Variants in PDE10A observed in about 807,000 individuals in gnomAD.
The protein encoded by PDE10A is cAMP and cAMP-inhibited cGMP 3',5'-cyclic phosphodiesterase 10A.
In PDE10A, 39 loss-of-function variants were observed where a neutral mutation model predicts 97.7. The observed-to-expected ratio is 0.40, with a 90% CI of 0.31 to 0.52. The LOEUF (loss-of-function observed/expected upper bound fraction) is 0.52. Among genes scored for constraint, PDE10A ranks in the 20% least tolerant of loss-of-function variants. The probability of loss-of-function intolerance (pLI) is 0.56; values close to 1 mark genes in which losing one functional copy is unlikely to be tolerated. For missense variants in PDE10A, 731 were observed against 1,047.8 expected (o/e 0.70, Z 4.17); for synonymous variants, 371 against 376.8 (o/e 0.98, Z 0.18).
chr6:165,934,353 CTG>C (rs1346789929), intron 1 of PDE10A, among the ~76,000 whole-genome samples: 1 of 151,876 alleles, frequency 6.6e-6, no homozygotes, highest in African/African-American at 2.4e-5. Context: ...AGATCTTTAG[CTG>C]CACCAAAATG....
At chr6:165,880,301 T>C (rs1277766074) in intron 1 of PDE10A, among the ~76,000 whole-genome samples, 1 of 152,238 alleles carries the variant, frequency 6.6e-6, no homozygotes, top group Non-Finnish European at 1.5e-5. Flanking sequence ...AATTAGATTC[T>C]TATAAGTATT....
chr6:165,974,610 G>A (rs1784795764), intron 1 of PDE10A, among the ~76,000 whole-genome samples: 1 of 152,228 alleles, frequency 6.6e-6, no homozygotes, highest in Non-Finnish European at 1.5e-5. Flanking sequence ...AAAGAGTGCA[G>A]AACCTGATGG....
intron 1 of PDE10A, among the ~76,000 whole-genome samples, chr6:165,707,761 G>A (rs568726754): frequency 1.3e-5 from 2 of 152,150 alleles, no homozygotes; most frequent in South Asian, 4.1e-4. Flanking sequence ...CTGAGTGTGT[G>A]AAAGTGTATG....
chr6:165,757,446 A>T (rs1406262299), intron 1 of PDE10A, among the ~76,000 whole-genome samples: 2 of 151,996 alleles, frequency 1.3e-5, no homozygotes, highest in African/African-American at 4.8e-5. Flanking sequence ...TATACTTAGA[A>T]AGACCATTTC....
intron 1 of PDE10A, among the ~76,000 whole-genome samples, chr6:165,599,016 T>C (rs980435875): frequency 3.9e-5 from 6 of 152,206 alleles, no homozygotes; most frequent in Non-Finnish European, 8.8e-5. Flanking sequence ...TGTCCTACTA[T>C]TAGTACTTCC....
chr6:165,974,553 A>G (rs1477059434), intron 1 of PDE10A, among the ~76,000 whole-genome samples: 2 of 152,244 alleles, frequency 1.3e-5, no homozygotes, highest in Non-Finnish European at 2.9e-5. Flanking sequence ...GGAAGAGAAG[A>G]TATCATAAGC....
chr6:165,882,424 AAAGT>A (rs542293404), intron 1 of PDE10A, among the ~76,000 whole-genome samples: 58 of 152,300 alleles, frequency 3.8e-4, no homozygotes, highest in African/African-American at 1.3e-3. Flanking sequence ...ACCAAGCATA[AAAGT>A]AAGTTATAAA....
chr6:165,456,600 A>G (rs907713874), intron 3 of PDE10A, among the ~76,000 whole-genome samples: 21 of 152,364 alleles, frequency 1.4e-4, no homozygotes, highest in African/African-American at 4.8e-4. Context: ...TGGACAGTTT[A>G]TCATGAGGTT....
chr6:165,987,653 A>G (rs1169888802), exon 1 of PDE10A: 1 of 456,660 alleles, frequency 2.2e-6, no homozygotes, highest in African/African-American at 2.0e-5. Context: ...CAGTGGGTCC[A>G]GGGTTCCATG....
At chr6:165,983,068 G>GAC (rs10623514) in intron 1 of PDE10A, among the ~76,000 whole-genome samples, 37,692 of 150,630 alleles carry the variant, frequency 0.25, 4,808 homozygotes, top group African/African-American at 0.28. Flanking sequence ...ACAATTTTAC[G>GAC]ACACACACAC....
In PDE10A at chr6:165,392,816, T is replaced by C; in HGVS notation, c.2304-20A>G. ...TCAAAGCTGCATGGAAAAGAAATTGTTATGACTGAAACCAGTAGAGAATCA... is the reference window on the plus strand; with the variant it reads ...TCAAAGCTGCATGGAAAAGAAATTGCTATGACTGAAACCAGTAGAGAATCA... On this transcript the variant is annotated intron_variant, in intron 15 of 21. Coordinates refer to ENST00000539869, the MANE Select transcript of PDE10A (RefSeq NM_001385079.1). The C allele has an allele frequency of 2.5e-6, 4 of 1,611,898 alleles. No homozygotes were observed.
At chr6:165,893,786 A>C (rs1781865496) in intron 1 of PDE10A, among the ~76,000 whole-genome samples, 1 of 151,844 alleles carries the variant, frequency 6.6e-6, no homozygotes, top group Non-Finnish European at 1.5e-5. Context: ...TATTTGATAG[A>C]ACTTAAGTAG....
At chr6:165,523,526 C>T (rs189738502) in intron 2 of PDE10A, among the ~76,000 whole-genome samples, 18 of 152,202 alleles carry the variant, frequency 1.2e-4, no homozygotes, top group Admixed American at 4.6e-4. Context: ...AGAAAGGACT[C>T]CCTATTCAAT....
At chr6:165,806,065 AAAAAAG>A (rs1221867822) in intron 1 of PDE10A, among the ~76,000 whole-genome samples, 1 of 150,940 alleles carries the variant, frequency 6.6e-6, no homozygotes, top group African/African-American at 2.5e-5. Flanking sequence ...AAAAAAAAAA[AAAAAAG>A]ATCAAACAGC....
At chr6:165,441,587 A>C (rs1790473707) in intron 5 of PDE10A, among the ~76,000 whole-genome samples, 1 of 152,238 alleles carries the variant, frequency 6.6e-6, no homozygotes. Context: ...CTCCAGATCC[A>C]AAATTATTTC....
chr6:165,823,132 T>C (rs1250109206), intron 1 of PDE10A, among the ~76,000 whole-genome samples: 1 of 151,918 alleles, frequency 6.6e-6, no homozygotes, highest in Admixed American at 6.6e-5. Context: ...GCTCCCGGCC[T>C]ATAATTTTTT....
intron 3 of PDE10A, among the ~76,000 whole-genome samples, chr6:165,451,487 C>A (rs1216926905): frequency 6.6e-6 from 1 of 152,198 alleles, no homozygotes; most frequent in Non-Finnish European, 1.5e-5. Context: ...ACAAAAACGC[C>A]TCGCACAGTA....
At chr6:165,828,824 C>G (rs1779830301) in intron 1 of PDE10A, among the ~76,000 whole-genome samples, 2 of 152,174 alleles carry the variant, frequency 1.3e-5, no homozygotes, top group Non-Finnish European at 2.9e-5. Context: ...TTCCTGCCCT[C>G]AAACCTCTCC....
chr6:165,782,592 C>G (rs1230575128), intron 1 of PDE10A, among the ~76,000 whole-genome samples: 1 of 152,188 alleles, frequency 6.6e-6, no homozygotes, highest in African/African-American at 2.4e-5. Context: ...TCCAACCCTC[C>G]CCTGACATTT....
Sources: allele counts gnomAD v4.1 joint callset (sites outside exome capture counted in the v4.1 genomes callset), GRCh38; gene constraint gnomAD v4.1.1; transcripts MANE v1.5; gene names NCBI Gene and HGNC (gene_info 2026-07-23, HGNC 2026-07-21).